The following L1TD1 variants were observed in gnomAD, a reference collection of about 807,000 sequenced individuals.
The protein encoded by L1TD1 is LINE-1 type transposase domain-containing protein 1.
L1TD1 carries 26 observed loss-of-function variants against 25.7 expected under a neutral mutation model. The observed-to-expected ratio is 1.01, with a 90% CI of 0.74 to 1.40. L1TD1 has a LOEUF of 1.40. Among genes scored for constraint, L1TD1 ranks in the 40% most tolerant of loss-of-function variants. L1TD1 has a pLI of 0.00. For synonymous variants in L1TD1, 421 were observed against 335.6 expected (o/e 1.25, Z -2.78); for missense variants, 1,130 against 975.0 (o/e 1.16, Z -2.12).
intron 1 of L1TD1, among the ~76,000 whole-genome samples, chr1:62,195,402 T>C (rs1397279992): frequency 6.6e-6 from 1 of 152,162 alleles, no homozygotes; most frequent in Admixed American, 6.5e-5. Context: ...AGTAGTTCTG[T>C]GAAGAAAAAA....
Position 62,207,104 on chromosome 1 carries a change from AATT to A in L1TD1, c.478_480del (p.Leu160del). On this transcript the variant is annotated inframe_deletion, in exon 3 of 4. Transcript: ENST00000498273. ...GAATACAATAGTAATGATGGTAAGA[AATT>A]ACCCCAGGGTGAATCACGAAGTTAC... The A allele has an allele frequency of 1.2e-6, 2 of 1,608,508 alleles. No homozygotes were observed. Among genetic ancestry groups the A allele is most frequent in the Non-Finnish European group, 1.7e-6 (2 of 1,176,904 alleles).
chr1:62,206,812 C>G lies in L1TD1; in HGVS notation c.184C>G (p.Gln62Glu), dbSNP rs781323609. The G allele has an allele frequency of 6.3e-6, 10 of 1,598,536 alleles. No individual in the cohort carries two copies. The highest frequency in any genetic ancestry group is 7.7e-6 in the Non-Finnish European group (9 of 1,171,270). The change falls in exon 3 of 4, where the codon CAA (glutamine) becomes GAA (glutamate). Residue 62 changes from glutamine (Q) to glutamate (E), a missense_variant. Transcript: ENST00000498273. Reference protein sequence around the residue: ...MNKFKVLMEIQDLMFEEMRET... With the variant: ...MNKFKVLMEIEDLMFEEMRET... ...TAAGTTTAAGGTCTTAATGGAAATT[C>G]AAGACCTGATGTTTGAGGAGATGAG...
At chr1:62,195,147 T>C (rs1185244129) in intron 1 of L1TD1, among the ~76,000 whole-genome samples, 1 of 148,324 alleles carries the variant, frequency 6.7e-6, no homozygotes, top group Non-Finnish European at 1.5e-5. Flanking sequence ...GAGCGTGAGG[T>C]CCAGGGTGCC....
In L1TD1 at chr1:62,207,227, G is replaced by C; in HGVS notation, c.599G>C (p.Arg200Thr). The C allele has an allele frequency of 6.4e-7, 1 of 1,551,622 alleles. No homozygotes were observed. The highest frequency in any genetic ancestry group is 1.2e-5 in the South Asian group (1 of 84,090). ...TTAGAATTTACAGAAAGAGAGAGTA[G>C]GAAGGATGGAGAGGATGAATTTGTC... The part of the protein sequence containing the change: ...VHLEFTERES[R>T]KDGEDEFVKE... The change falls in exon 3 of 4, where the codon AGG becomes ACG. Residue 200 changes from arginine (R) to threonine (T), a missense_variant. Coordinates refer to ENST00000498273, the MANE Select transcript of L1TD1 (RefSeq NM_019079.5).
At chr1:62,199,009 C>T (rs982706807) in intron 2 of L1TD1, among the ~76,000 whole-genome samples, 4 of 152,100 alleles carry the variant, frequency 2.6e-5, no homozygotes, top group Non-Finnish European at 4.4e-5. Flanking sequence ...GGTCCCTGAG[C>T]CCTTTTGATG....
In L1TD1 at chr1:62,209,876, C is replaced by A; in HGVS notation, c.1102C>A (p.Pro368Thr). 6.2e-7 allele frequency: 1 copy of A among 1,613,838 alleles called. No homozygotes were observed. The highest frequency in any genetic ancestry group is 1.7e-5 in the Admixed American group (1 of 59,988). Reference protein sequence around the residue: ...LFLKEVKVAKPEEMKNLETQE... With the variant: ...LFLKEVKVAKTEEMKNLETQE... The stretch of plus-strand genomic sequence containing the variant: ...TCTTAAAGAAGTAAAAGTTGCTAAG[C>A]CAGAGGAGATGAAAAACTTAGAGAC... The change falls in exon 4 of 4, where the codon CCA becomes ACA. Residue 368 changes from proline (P) to threonine (T), a missense_variant. Pro to Thr is a conservative substitution (Grantham distance 38). Coordinates refer to ENST00000498273, the MANE Select transcript of L1TD1 (RefSeq NM_019079.5).
chr1:62,205,339 G>GA (rs796617439), intron 2 of L1TD1, among the ~76,000 whole-genome samples: 1 of 132,842 alleles, frequency 7.5e-6, no homozygotes, highest in African/African-American at 2.8e-5. Context: ...ACTGTCAAAA[G>GA]AAAAAAACAA....
chr1:62,201,490 TA>T (rs57780936), intron 2 of L1TD1, among the ~76,000 whole-genome samples: 20,458 of 132,606 alleles, frequency 0.15, 1,783 homozygotes, highest in East Asian at 0.36. Flanking sequence ...AGACCCTGCT[TA>T]AAAAAAAAAA....
Position 62,211,169 on chromosome 1 carries a change from GAC to G in L1TD1, c.2400_2401del (p.Leu801GlyfsTer3). 1 of 1,551,342 alleles carries G rather than the reference GAC, an allele frequency of 6.4e-7. No homozygotes were observed. The highest frequency in any genetic ancestry group is 8.7e-7 in the Non-Finnish European group (1 of 1,146,896). The stretch of plus-strand genomic sequence containing the variant: ...CAGGTTGACAGCAGACTTATCACTG[GAC>G]ACACTGGATGCTAGAAGTAAATGGA... Reference protein sequence around the residue: ...RIRLTADLSLDTLDARSKWSN... With the variant: ...RIRLTADLSLXTLDARSKWSN... On this transcript the variant is annotated frameshift_variant, in exon 4 of 4. Transcript: ENST00000498273. LOFTEE classifies it low-confidence loss of function (END_TRUNC).
In L1TD1 at chr1:62,210,674, A is replaced by T. The variant is rs377478013; in HGVS notation, c.1900A>T (p.Asn634Tyr). ...SIREIKEEIG[N>Y]LKSSHSGVLE... ...CAGAGAGATAAAAGAGGAGATTGGAAATTTGAAAAGTTCCCATTCAGGTGT... is the reference window on the plus strand; with the variant it reads ...CAGAGAGATAAAAGAGGAGATTGGATATTTGAAAAGTTCCCATTCAGGTGT... Residue 634 changes from asparagine (N) to tyrosine (Y), a missense_variant, in exon 4 of 4, where the codon AAT becomes TAT. Physicochemically the swap from Asn to Tyr is moderately radical, Grantham distance 143 (BLOSUM62 -2). Coordinates refer to ENST00000498273, the MANE Select transcript of L1TD1 (RefSeq NM_019079.5). The T allele has an allele frequency of 2.5e-5, 39 of 1,555,506 alleles. No homozygotes were observed. The highest frequency in any genetic ancestry group is 3.0e-5 in the Non-Finnish European group (34 of 1,148,924).
chr1:62,207,334 T>TTG lies in L1TD1; in HGVS notation c.707_708dup (p.Met237Ter). On this transcript the variant is annotated frameshift_variant, in exon 3 of 4. Coordinates refer to ENST00000498273, the MANE Select transcript of L1TD1 (RefSeq NM_019079.5). LOFTEE classifies it high-confidence loss of function. ...AAAAGCCTCCAGAGAAGAAAAAGTGTTGATGGATGAAGGAGCAGTACTTAC... is the reference window on the plus strand; with the variant it reads ...AAAAGCCTCCAGAGAAGAAAAAGTGTTGTGATGGATGAAGGAGCAGTACTTAC... 6.4e-7 allele frequency: 1 copy of TTG among 1,551,292 alleles called. No homozygotes were observed. Among genetic ancestry groups the TTG allele is most frequent in the South Asian group, 1.2e-5 (1 of 84,008 alleles).
chr1:62,210,478 G>A lies in L1TD1; in HGVS notation c.1704G>A (p.Glu568=), dbSNP rs1183776805. The A allele has an allele frequency of 6.2e-7, 1 of 1,613,898 alleles. No homozygotes were observed. Among genetic ancestry groups the A allele is most frequent in the Non-Finnish European group, 8.5e-7 (1 of 1,180,028 alleles). ...PSKSLEMSHD[E]HKKHSHTNLS... ...AGTCACTAGAGATGAGTCATGATGA[G>A]CATAAAAAGCATTCACATACAAATT... The change falls in exon 4 of 4, where the codon GAG becomes GAA. Residue 568 remains glutamate (E), a synonymous_variant. Coordinates refer to ENST00000498273, the MANE Select transcript of L1TD1 (RefSeq NM_019079.5).
intron 2 of L1TD1, among the ~76,000 whole-genome samples, chr1:62,200,523 A>G (rs1030171617): frequency 2.6e-5 from 4 of 152,082 alleles, no homozygotes; most frequent in African/African-American, 9.7e-5. Flanking sequence ...ATGTACTTAT[A>G]TATAGTTATA....
intron 2 of L1TD1, among the ~76,000 whole-genome samples, chr1:62,197,897 A>G (rs1670573809): frequency 6.6e-6 from 1 of 152,038 alleles, no homozygotes; most frequent in African/African-American, 2.4e-5. Flanking sequence ...AAACAAAACA[A>G]AACAAAACAA....
At chr1:62,206,487 A>AG in intron 2 of L1TD1, 32 bp from the exon 3 acceptor site, 1 of 806,696 alleles carries the variant, frequency 1.2e-6, no homozygotes, top group East Asian at 3.0e-5. Flanking sequence ...AGAATTCTTT[A>AG]GTAAGTAATT....
At chr1:62,196,687 G>T (rs1188974529) in intron 2 of L1TD1, among the ~76,000 whole-genome samples, 159 bp downstream of exon 2, 1 of 152,104 alleles carries the variant, frequency 6.6e-6, no homozygotes, top group Non-Finnish European at 1.5e-5. Flanking sequence ...ACGCCTCCTG[G>T]GTTCAAGCGA....
intron 2 of L1TD1, among the ~76,000 whole-genome samples, chr1:62,204,054 G>T (rs1017794065): frequency 6.6e-6 from 1 of 152,118 alleles, no homozygotes; most frequent in Non-Finnish European, 1.5e-5. Context: ...GAAGAGTTTG[G>T]GCACAGCTAA....
rs778027473 is a variant in L1TD1 at position 62,209,955 on chromosome 1, TG to T, written c.1183del (p.Glu395ArgfsTer38). The T allele has an allele frequency of 2.5e-6, 4 of 1,612,478 alleles. No homozygotes were observed. The South Asian group carries it at 4.4e-5, about 18-fold the overall frequency. On this transcript the variant is annotated frameshift_variant, in exon 4 of 4. Transcript: ENST00000498273. LOFTEE classifies it low-confidence loss of function (END_TRUNC). The part of the protein sequence containing the change: ...LEELDEEASG[M>X]EDDEDTSGLE... ...GAGCTGGATGAAGAGGCCTCAGGGA[TG>T]GAGGATGATGAAGATACCTCAGGGC...
At chr1:62,202,260 A>G (rs535295354) in intron 2 of L1TD1, among the ~76,000 whole-genome samples, 163 of 151,914 alleles carry the variant, frequency 1.1e-3, no homozygotes, top group Middle Eastern at 6.8e-3. Flanking sequence ...AGATCATGCC[A>G]TTGCATTCCA....
Sources: allele counts gnomAD v4.1 joint callset (sites outside exome capture counted in the v4.1 genomes callset), GRCh38; gene constraint gnomAD v4.1.1; transcripts MANE v1.5; gene names NCBI Gene and HGNC (gene_info 2026-07-23, HGNC 2026-07-21).